The following PRELID2 variants were observed in gnomAD, a reference collection of about 807,000 sequenced individuals.
The protein encoded by PRELID2 is PRELI domain containing 2.
Under a neutral mutation model 28.4 loss-of-function variants are expected in PRELID2, and 25 were observed. That is an observed-to-expected ratio of 0.88 (90% CI 0.64 to 1.23). The LOEUF (loss-of-function observed/expected upper bound fraction) is 1.23. Among genes scored for constraint, PRELID2 ranks in the 50% most tolerant of loss-of-function variants. PRELID2 has a pLI of 0.00. For missense variants in PRELID2, 201 were observed against 214.4 expected, an observed-to-expected ratio of 0.94 and a Z score of 0.39; for synonymous variants, 76 against 71.6, an observed-to-expected ratio of 1.06 and a Z score of -0.31.
chr5:145,617,202 C>T (rs1346103218), intron 1 of PRELID2, among the ~76,000 whole-genome samples: 3 of 152,102 alleles, frequency 2.0e-5, no homozygotes, highest in Admixed American at 2.0e-4. Flanking sequence ...GTGCAGTTAA[C>T]ACAATCATCA....
chr5:145,426,234 T>C, the PRELID2 span, among the ~76,000 whole-genome samples: 4 of 152,320 alleles, frequency 2.6e-5, no homozygotes, highest in East Asian at 7.7e-4. Flanking sequence ...CAAATATCTA[T>C]ATTCTCTAAA....
intron 1 of PRELID2, among the ~76,000 whole-genome samples, chr5:145,742,456 GA>G (rs1478276107): frequency 7.3e-6 from 1 of 136,064 alleles, no homozygotes; most frequent in East Asian, 2.1e-4. Flanking sequence ...AGACAGTTGG[GA>G]AATCTCCAAA....
chr5:145,743,919 G>A (rs185978561), intron 1 of PRELID2, among the ~76,000 whole-genome samples: 14 of 152,344 alleles, frequency 9.2e-5, no homozygotes, highest in African/African-American at 2.6e-4. Flanking sequence ...TGCCTAACAC[G>A]CTAAGCTCCC....
At chr5:145,541,343 A>G (rs1240213938) in intron 1 of PRELID2, among the ~76,000 whole-genome samples, 5 of 152,112 alleles carry the variant, frequency 3.3e-5, no homozygotes, top group Non-Finnish European at 7.4e-5. Context: ...TTATAGCAAC[A>G]TTATAATGTA....
chr5:145,563,849 A>G (rs1194498210), intron 1 of PRELID2, among the ~76,000 whole-genome samples: 6 of 152,236 alleles, frequency 3.9e-5, no homozygotes, highest in Non-Finnish European at 7.3e-5. Context: ...TAGACATTTA[A>G]TGTACAGCAT....
At chr5:145,504,781 T>C (rs1038968920) in intron 1 of PRELID2, among the ~76,000 whole-genome samples, 7 of 152,228 alleles carry the variant, frequency 4.6e-5, no homozygotes, top group African/African-American at 7.2e-5. Flanking sequence ...CCCTTGATTA[T>C]TGTCTACTTC....
chr5:145,617,600 G>T (rs1753716714), intron 1 of PRELID2, among the ~76,000 whole-genome samples: 1 of 152,126 alleles, frequency 6.6e-6, no homozygotes, highest in South Asian at 2.1e-4. Context: ...TAATTCGAAG[G>T]CCTTGTCTTC....
At chr5:145,534,784 T>C (rs1752685285) in intron 1 of PRELID2, among the ~76,000 whole-genome samples, 1 of 151,964 alleles carries the variant, frequency 6.6e-6, no homozygotes, top group African/African-American at 2.4e-5. Context: ...TGGTTGAACA[T>C]CTAACAACCT....
the PRELID2 span, among the ~76,000 whole-genome samples, chr5:145,449,900 C>T: frequency 1.3e-5 from 2 of 152,076 alleles, no homozygotes; most frequent in African/African-American, 2.4e-5. Context: ...CTGCCGTGCT[C>T]CACTTGCTGG....
chr5:145,243,193 T>C, the PRELID2 span, among the ~76,000 whole-genome samples: 1 of 152,052 alleles, frequency 6.6e-6, no homozygotes, highest in African/African-American at 2.4e-5. Flanking sequence ...TTATGCTCAA[T>C]TGAACAAACA....
intron 1 of PRELID2, among the ~76,000 whole-genome samples, chr5:145,685,598 C>T (rs754637848): frequency 3.3e-4 from 50 of 152,170 alleles, no homozygotes; most frequent in Non-Finnish European, 5.9e-4. Context: ...TGCAGTCCCA[C>T]ATCTGTTTCA....
intron 1 of PRELID2, among the ~76,000 whole-genome samples, chr5:145,503,597 G>A (rs761357244): frequency 6.6e-6 from 1 of 152,112 alleles, no homozygotes; most frequent in Non-Finnish European, 1.5e-5. Flanking sequence ...GAGGTTAAGA[G>A]GCTTGACGAA....
chr5:145,753,887 T>C (rs1289932591), downstream of PRELID2, among the ~76,000 whole-genome samples: 1 of 152,192 alleles, frequency 6.6e-6, no homozygotes, highest in Non-Finnish European at 1.5e-5. Context: ...CCTGAGTCGC[T>C]ACCACAGTGA....
chr5:145,520,660 G>T (rs1052182859), intron 1 of PRELID2, among the ~76,000 whole-genome samples: 4 of 152,034 alleles, frequency 2.6e-5, no homozygotes, highest in African/African-American at 9.7e-5. Flanking sequence ...TTGACATTCT[G>T]GGTTTCCTAT....
At chr5:145,788,859 T>C (rs2149806062) in intron 5 of PRELID2, among the ~76,000 whole-genome samples, 1 of 152,278 alleles carries the variant, frequency 6.6e-6, no homozygotes, top group South Asian at 2.1e-4. Flanking sequence ...ATCATTTCTA[T>C]ATGCTAACAA....
the PRELID2 span, among the ~76,000 whole-genome samples, chr5:145,459,182 C>A: frequency 6.6e-6 from 1 of 152,188 alleles, no homozygotes; most frequent in South Asian, 2.1e-4. Flanking sequence ...TCTAAAATAT[C>A]CCCCAGAAAA....
chr5:145,229,391 G>C, the PRELID2 span: 1 of 747,818 alleles, frequency 1.3e-6, no homozygotes, highest in South Asian at 1.3e-5. Flanking sequence ...CAGCTACAAG[G>C]CTGGAATCCT....
At chr5:145,830,709 T>C (rs980151345) in intron 1 of PRELID2, among the ~76,000 whole-genome samples, 3 of 152,230 alleles carry the variant, frequency 2.0e-5, no homozygotes, top group Admixed American at 6.5e-5. Context: ...CATTCCTCCA[T>C]GAAGAGTTTA....
chr5:145,791,574 G>A (rs977779547), intron 5 of PRELID2, among the ~76,000 whole-genome samples: 5 of 152,120 alleles, frequency 3.3e-5, no homozygotes, highest in Non-Finnish European at 7.4e-5. Flanking sequence ...GCTAGGAGGT[G>A]AATGGGATAG....
Sources: gnomAD v4.1 joint callset for allele counts (sites outside exome capture counted in the v4.1 genomes callset) on GRCh38, gnomAD v4.1.1 for gene constraint, MANE v1.5 for transcripts, NCBI Gene and HGNC (gene_info 2026-07-23, HGNC 2026-07-21) for gene names.